Variants in SEC24D observed in about 807,000 individuals in gnomAD.
SEC24D encodes protein transport protein Sec24D.
In SEC24D, 69 loss-of-function variants were observed where a neutral mutation model predicts 116.9. That is an observed-to-expected ratio of 0.59 (90% CI 0.49 to 0.72). The LOEUF is 0.72. Among genes scored for constraint, SEC24D ranks in the 30% least tolerant of loss-of-function variants. The probability of loss-of-function intolerance (pLI) is 0.00; values close to 1 mark genes in which losing one functional copy is unlikely to be tolerated. For missense variants in SEC24D, 1,131 were observed against 1,264.1 expected, an observed-to-expected ratio of 0.89 and a Z score of 1.60; for synonymous variants, 405 against 442.8, an observed-to-expected ratio of 0.91 and a Z score of 1.07.
intron 11 of SEC24D, among the ~76,000 whole-genome samples, chr4:118,754,651 G>A (rs1301269796): frequency 6.6e-6 from 1 of 152,128 alleles, no homozygotes; most frequent in African/African-American, 2.4e-5. Flanking sequence ...TGTCAAGTTA[G>A]AGCCCCAACT....
At chr4:118,782,611 G>A (rs1287704116) in intron 8 of SEC24D, among the ~76,000 whole-genome samples, 1 of 152,184 alleles carries the variant, frequency 6.6e-6, no homozygotes, top group African/African-American at 2.4e-5. Context: ...CACCGTGCAG[G>A]GAGAACCACT....
rs536589243 is a variant in SEC24D, at chr4:118,783,193, G to A, written c.1041+14490C>T. 9.8e-5 allele frequency among the ~76,000 whole-genome samples: 15 copies of A among 152,310 alleles called. No homozygotes were observed. In the South Asian group the frequency reaches 2.7e-3, roughly 27 times the overall value. Reference sequence around the variant, plus strand: ...ATCACCCGTCTTCTGCGTCAATCACGCTCAGAGCTGCAGACGGGAGCTGTT... The same window carrying A: ...ATCACCCGTCTTCTGCGTCAATCACACTCAGAGCTGCAGACGGGAGCTGTT... On this transcript the variant is annotated intron_variant, in intron 8 of 22. Transcript: ENST00000280551.
At chr4:118,783,207 A>C (rs979178212) in intron 8 of SEC24D, among the ~76,000 whole-genome samples, 2 of 152,208 alleles carry the variant, frequency 1.3e-5, no homozygotes, top group Non-Finnish European at 2.9e-5. Context: ...AGAGCTGCAG[A>C]CGGGAGCTGT....
At chr4:118,728,196 T>C (rs1242849618) in intron 22 of SEC24D, among the ~76,000 whole-genome samples, 1 of 152,216 alleles carries the variant, frequency 6.6e-6, no homozygotes, top group Non-Finnish European at 1.5e-5. Flanking sequence ...AATTAAACAT[T>C]GTAATAAATC....
At chr4:118,784,301 GGAAA>G (rs1728562136) in intron 8 of SEC24D, among the ~76,000 whole-genome samples, 1 of 151,932 alleles carries the variant, frequency 6.6e-6, no homozygotes, top group African/African-American at 2.4e-5. Flanking sequence ...TGAAATAAGA[GGAAA>G]GATGACTTGT....
At position 118,789,166 on chromosome 4, in the gene SEC24D, T is replaced by C. The variant is rs565924073; in HGVS notation, c.1041+8517A>G. On this transcript the variant is annotated intron_variant, in intron 8 of 22. Transcript: ENST00000280551. ...CATATCACTTACCAGCTGGTAACTT[T>C]AATAGCCCCAGAACCTGTGGAGCTT... Among the ~76,000 whole-genome samples the C allele has an allele frequency of 2.0e-4, 31 of 152,340 alleles. No individual in the cohort carries two copies. The South Asian group carries it at 6.0e-3, about 30-fold the overall frequency.
intron 13 of SEC24D, among the ~76,000 whole-genome samples, chr4:118,747,299 CTT>C (rs1166610717): frequency 8.8e-6 from 1 of 113,318 alleles, no homozygotes; most frequent in Non-Finnish European, 1.8e-5. Flanking sequence ...AAGTTTTGCT[CTT>C]GTTGCCCCAG....
At chr4:118,787,052 C>T (rs553375921) in intron 8 of SEC24D, among the ~76,000 whole-genome samples, 3 of 152,196 alleles carry the variant, frequency 2.0e-5, no homozygotes, top group Non-Finnish European at 2.9e-5. Context: ...ACTCTCCCTA[C>T]ACATGTGCTA....
chr4:118,777,017 T>C (rs1473668541), intron 8 of SEC24D, among the ~76,000 whole-genome samples: 2 of 152,154 alleles, frequency 1.3e-5, no homozygotes, highest in African/African-American at 2.4e-5. Context: ...TATAAATTAG[T>C]CAAAGTATTC....
At chr4:118,727,950 G>C (rs1725492763) in intron 22 of SEC24D, among the ~76,000 whole-genome samples, 2 of 152,030 alleles carry the variant, frequency 1.3e-5, no homozygotes, top group Non-Finnish European at 2.9e-5. Flanking sequence ...CTCCAGCTGA[G>C]TGTCTTATAG....
intron 10 of SEC24D, 60 bp from the exon 11 acceptor site, chr4:118,757,905 A>G: frequency 1.4e-6 from 2 of 1,379,738 alleles, no homozygotes; most frequent in Non-Finnish European, 2.0e-6. Context: ...TCAAATGTCA[A>G]TACTCATTAG....
chr4:118,729,466 A>G (rs1725572275), intron 21 of SEC24D: 1 of 152,182 alleles, frequency 6.6e-6, no homozygotes, highest in Non-Finnish European at 1.5e-5. Flanking sequence ...ATTCAAGGCT[A>G]TGTTGCGAGA....
Position 118,757,757 on chromosome 4 carries a change from CAT to C in SEC24D, c.1383_1384del (p.Ile461MetfsTer2). 6.2e-7 allele frequency: 1 copy of C among 1,610,804 alleles called. No homozygotes were observed. The highest frequency in any genetic ancestry group is 8.5e-7 in the Non-Finnish European group (1 of 1,178,780). Reference sequence around the variant, plus strand: ...TTCCAGCATGGTCTTCAGTTCTTCACATATGAGCTTGACAAGTCCATTCTTTA... The same window carrying C: ...TTCCAGCATGGTCTTCAGTTCTTCACATGAGCTTGACAAGTCCATTCTTTA... On this transcript the variant is annotated frameshift_variant, in exon 11 of 23. Coordinates refer to ENST00000280551, the MANE Select transcript of SEC24D (RefSeq NM_014822.4). LOFTEE classifies it high-confidence loss of function.
intron 8 of SEC24D, among the ~76,000 whole-genome samples, chr4:118,779,826 T>A (rs1358291240): frequency 6.6e-6 from 1 of 152,208 alleles, no homozygotes; most frequent in African/African-American, 2.4e-5. Context: ...CCTGGTTTAG[T>A]CTTGGGAGGG....
chr4:118,760,789 C>A lies in SEC24D; in HGVS notation c.1297-2944G>T, dbSNP rs375307430. Among the ~76,000 whole-genome samples the A allele has an allele frequency of 3.3e-5, 5 of 152,088 alleles. No individual in the cohort carries two copies. The East Asian group carries it at 7.7e-4, about 24-fold the overall frequency. On this transcript the variant is annotated intron_variant, in intron 10 of 22. Coordinates refer to ENST00000280551, the MANE Select transcript of SEC24D (RefSeq NM_014822.4). ...GTGGTGCGATCTCGGCTCAGTGCAACCTCCAACTCCCGGGTTCAAGCGATT... is the reference window on the plus strand; with the variant it reads ...GTGGTGCGATCTCGGCTCAGTGCAAACTCCAACTCCCGGGTTCAAGCGATT...
intron 11 of SEC24D, among the ~76,000 whole-genome samples, chr4:118,756,443 T>C (rs1727099117): frequency 6.6e-6 from 1 of 152,192 alleles, no homozygotes. Flanking sequence ...GAAAATATTA[T>C]GACTTCAGCT....
chr4:118,800,973 A>T (rs1434388337), intron 7 of SEC24D, among the ~76,000 whole-genome samples: 2 of 152,082 alleles, frequency 1.3e-5, no homozygotes, highest in African/African-American at 4.8e-5. Flanking sequence ...AGTCAGGGTT[A>T]AAAAAAGGCC....
intron 8 of SEC24D, among the ~76,000 whole-genome samples, chr4:118,782,638 T>A (rs1284334171): frequency 6.6e-6 from 1 of 152,196 alleles, no homozygotes; most frequent in Non-Finnish European, 1.5e-5. Context: ...TTCAGAGCTG[T>A]CAGACAGGGA....
chr4:118,746,416 C>T (rs1231736399), intron 13 of SEC24D, among the ~76,000 whole-genome samples: 1 of 152,056 alleles, frequency 6.6e-6, no homozygotes, highest in Non-Finnish European at 1.5e-5. Flanking sequence ...CAACCTTGTT[C>T]AGCAGGTACT....
Sources: allele counts gnomAD v4.1 joint callset (sites outside exome capture counted in the v4.1 genomes callset), GRCh38; gene constraint gnomAD v4.1.1; transcripts MANE v1.5; gene names NCBI Gene and HGNC (gene_info 2026-07-23, HGNC 2026-07-21).